Variants in IMMT observed in about 807,000 individuals in gnomAD.
IMMT encodes inner membrane mitochondrial protein.
Under a neutral mutation model 92.7 loss-of-function variants are expected in IMMT, and 40 were observed. The observed-to-expected ratio is 0.43, with a 90% CI of 0.34 to 0.56. The LOEUF (loss-of-function observed/expected upper bound fraction) is 0.56. IMMT is among the 20% of genes least tolerant of loss of function. IMMT has a pLI of 0.03. For missense variants in IMMT, 831 were observed against 912.1 expected, an observed-to-expected ratio of 0.91 and a Z score of 1.14; for synonymous variants, 322 against 336.1, an observed-to-expected ratio of 0.96 and a Z score of 0.46.
intron 7 of IMMT, 29 bp downstream of exon 7, chr2:86,166,479 G>T: frequency 6.3e-7 from 1 of 1,581,424 alleles, no homozygotes; most frequent in Non-Finnish European, 8.6e-7. Context: ...ATGACAGCCA[G>T]AACACTTCTA....
chr2:86,146,833 TCA>T (rs1675054275), intron 13 of IMMT, among the ~76,000 whole-genome samples: 1 of 152,078 alleles, frequency 6.6e-6, no homozygotes, highest in Non-Finnish European at 1.5e-5. Flanking sequence ...CAACCTCAGC[TCA>T]CTGCAACCTC....
chr2:86,156,880 A>G (rs1675895599), intron 10 of IMMT, among the ~76,000 whole-genome samples: 1 of 152,200 alleles, frequency 6.6e-6, no homozygotes, highest in South Asian at 2.1e-4. Flanking sequence ...ATCTAATGCA[A>G]AGAGACAACA....
intron 1 of IMMT, among the ~76,000 whole-genome samples, chr2:86,188,839 T>A (rs111762296): frequency 1.2e-4 from 19 of 152,274 alleles, no homozygotes; most frequent in African/African-American, 4.3e-4. Context: ...AAATATCTAG[T>A]ATCCATTAGA....
Position 86,147,750 on chromosome 2 carries a change from T to G in IMMT, c.1485A>C (p.Arg495=), listed in dbSNP as rs769295367. The G allele has an allele frequency of 6.2e-7, 1 of 1,613,952 alleles. No homozygotes were observed. The highest frequency in any genetic ancestry group is 8.5e-7 in the Non-Finnish European group (1 of 1,179,832). The change falls in exon 13 of 15, where the codon CGA becomes CGC. Residue 495 remains arginine (R), a synonymous_variant. Coordinates refer to ENST00000410111, the MANE Select transcript of IMMT (RefSeq NM_006839.3). ...RQAAAHTDHL[R]DVLRVQEQEL... ...CCTGTTCTTGTACCCTAAGGACATC[T>G]CGCAAGTGATCAGTGTGGGCAGCTG...
intron 12 of IMMT, among the ~76,000 whole-genome samples, 160 bp downstream of exon 12, chr2:86,151,137 C>T (rs1255722743): frequency 6.6e-6 from 1 of 152,086 alleles, no homozygotes; most frequent in African/African-American, 2.4e-5. Context: ...AGGCTGGTCT[C>T]GAACTCCTGA....
intron 12 of IMMT, among the ~76,000 whole-genome samples, chr2:86,149,631 G>A (rs931579159): frequency 3.3e-5 from 5 of 152,070 alleles, no homozygotes; most frequent in Admixed American, 1.3e-4. Flanking sequence ...TAATTCTGGC[G>A]CCGTGGGAGG....
chr2:86,176,691 C>G (rs3821017), intron 3 of IMMT, among the ~76,000 whole-genome samples: 89,366 of 152,044 alleles, frequency 0.59, 26,532 homozygotes, highest in African/African-American at 0.65. Context: ...GAGTTATTAA[C>G]TAGAAATGTT....
intron 7 of IMMT, among the ~76,000 whole-genome samples, chr2:86,165,024 G>A (rs751114268): frequency 6.6e-6 from 1 of 152,162 alleles, no homozygotes; most frequent in Non-Finnish European, 1.5e-5. Context: ...ATTCCAAAAT[G>A]TGTTCATACA....
chr2:86,165,538 A>G (rs79492094), intron 7 of IMMT, among the ~76,000 whole-genome samples: 4,321 of 152,336 alleles, frequency 0.028, 100 homozygotes, highest in East Asian at 0.099. Flanking sequence ...AACTACAATT[A>G]TGATGGCAAA....
chr2:86,195,298 T>G (rs17551815), intron 1 of IMMT, 40 bp downstream of exon 1: 730,767 of 1,514,010 alleles, frequency 0.48, 180,357 homozygotes, highest in Non-Finnish European at 0.51. Context: ...ACGGTTCTAG[T>G]TCAGCCTCCT....
chr2:86,145,720 A>G (rs140199660), intron 14 of IMMT, among the ~76,000 whole-genome samples: 2 of 152,192 alleles, frequency 1.3e-5, no homozygotes, highest in Non-Finnish European at 2.9e-5. Flanking sequence ...TCCATTTGGT[A>G]GTTGGACTCG....
chr2:86,172,999 ATTT>A (rs889670762), intron 4 of IMMT, among the ~76,000 whole-genome samples: 2 of 152,186 alleles, frequency 1.3e-5, no homozygotes, highest in Non-Finnish European at 2.9e-5. Context: ...AGCTGAAAAA[ATTT>A]TTTAACTGTT....
At chr2:86,149,006 CAAAA>C (rs1558810949) in intron 12 of IMMT, among the ~76,000 whole-genome samples, 1 of 151,802 alleles carries the variant, frequency 6.6e-6, no homozygotes, top group Admixed American at 6.6e-5. Context: ...AGACAGTAAA[CAAAA>C]AAGACATCTG....
At chr2:86,175,099 A>G (rs967126094) in intron 3 of IMMT, among the ~76,000 whole-genome samples, 1 of 152,154 alleles carries the variant, frequency 6.6e-6, no homozygotes, top group African/African-American at 2.4e-5. Flanking sequence ...TTCCAAATTC[A>G]GTTGTTTTAT....
intron 8 of IMMT, 62 bp from the exon 9 acceptor site, chr2:86,159,733 A>G: frequency 7.2e-7 from 1 of 1,379,448 alleles, no homozygotes; most frequent in Non-Finnish European, 9.8e-7. Flanking sequence ...AAAAGTTTTG[A>G]TGTCAGCACA....
At position 86,144,419 on chromosome 2, in the gene IMMT, A is replaced by G. The variant is rs200212976; in HGVS notation, c.2126T>C (p.Phe709Ser). 5.1e-5 allele frequency: 82 copies of G among 1,613,942 alleles called. No individual in the cohort carries two copies. The highest frequency in any genetic ancestry group is 9.3e-5 in the African/African-American group (7 of 75,024). ...EHGDLELAAK[F>S]VNQLKGESRR... ...GGATTCCCCCTTCAGCTGATTGACAAACTTTGCTGCTAGCTCCAGATCACC... is the reference window on the plus strand; with the variant it reads ...GGATTCCCCCTTCAGCTGATTGACAGACTTTGCTGCTAGCTCCAGATCACC... The change falls in exon 15 of 15, where the codon TTT becomes TCT. Residue 709 changes from phenylalanine (F) to serine (S), a missense_variant. Phe to Ser is a radical substitution (Grantham distance 155). Coordinates refer to ENST00000410111, the MANE Select transcript of IMMT (RefSeq NM_006839.3).
At position 86,144,342 on chromosome 2, in the gene IMMT, TC is replaced by T; in HGVS notation, c.2202del (p.Lys735AsnfsTer3). 6.2e-7 allele frequency: 1 copy of T among 1,614,018 alleles called. No homozygotes were observed. The highest frequency in any genetic ancestry group is 8.5e-7 in the Non-Finnish European group (1 of 1,179,900). On this transcript the variant is annotated frameshift_variant, in exon 15 of 15. Transcript: ENST00000410111. LOFTEE classifies it high-confidence loss of function. ...GCTGTCAGGATTTCCACTATCTGTTTCGTTTCTAGGGTCATTCGGGCTTCCT... is the reference window on the plus strand; with the variant it reads ...GCTGTCAGGATTTCCACTATCTGTTTGTTTCTAGGGTCATTCGGGCTTCCT... Reference protein sequence around the residue: ...WLKEARMTLETKQIVEILTAY... With the variant: ...WLKEARMTLEXKQIVEILTAY...
rs774124479 is a variant in IMMT, at chr2:86,147,873, C to T, written c.1402-40G>A. The T allele has an allele frequency of 2.3e-5, 37 of 1,595,836 alleles. No homozygotes were observed. The Admixed American group carries it at 4.8e-4, about 21-fold the overall frequency. ...ATAGTAGTTATTAGTTTTCAATTCT[C>T]CACATATACTTTTAGGAAAACAGAA... On this transcript the variant is annotated intron_variant, in intron 12 of 14. Coordinates refer to ENST00000410111, the MANE Select transcript of IMMT (RefSeq NM_006839.3).
At chr2:86,144,929 A>C in intron 14 of IMMT, 48 bp from the exon 15 acceptor site, 1 of 1,540,842 alleles carries the variant, frequency 6.5e-7, no homozygotes, top group Non-Finnish European at 8.7e-7. Flanking sequence ...TCCATCTGAC[A>C]ACATACATCC....
Sources: gnomAD v4.1 joint callset for allele counts (sites outside exome capture counted in the v4.1 genomes callset) on GRCh38, gnomAD v4.1.1 for gene constraint, MANE v1.5 for transcripts, NCBI Gene and HGNC (gene_info 2026-07-23, HGNC 2026-07-21) for gene names.